The following HMCN1 variants were observed in gnomAD, a reference collection of about 807,000 sequenced individuals.
The protein encoded by HMCN1 is hemicentin 1, also known as hemicentin-1.
In HMCN1, 321 loss-of-function variants were observed where a neutral mutation model predicts 625.9. That is an observed-to-expected ratio of 0.51 (90% CI 0.47 to 0.56). HMCN1 has a LOEUF of 0.56. Ranked by LOEUF, HMCN1 falls within the 20% of genes least tolerant of loss-of-function variation. The pLI, the probability that HMCN1 is intolerant of heterozygous loss-of-function variation, is 0.00. For synonymous variants in HMCN1, 2,425 were observed against 2,417.6 expected (o/e 1.00, Z -0.09); for missense variants, 6,588 against 6,887.3 (o/e 0.96, Z 1.54).
At chr1:186,012,862 A>G (rs955694430) in intron 30 of HMCN1, among the ~76,000 whole-genome samples, 1 of 152,164 alleles carries the variant, frequency 6.6e-6, no homozygotes, top group African/African-American at 2.4e-5. Flanking sequence ...TCTAGTGTTT[A>G]TTAGAACAGG....
chr1:186,057,532 C>G, intron 46 of HMCN1, 131 bp downstream of exon 46: 1 of 664,488 alleles, frequency 1.5e-6, no homozygotes, highest in Non-Finnish European at 2.6e-6. Flanking sequence ...ATTCACTAAT[C>G]ATATTAAGAA....
rs187650115 is a variant in HMCN1 at position 186,120,255 on chromosome 1, C to T, written c.12229+110C>T. 405 of 1,238,742 alleles carry T rather than the reference C, an allele frequency of 3.3e-4. 2 individuals are homozygous for T. In the East Asian group the frequency reaches 9.5e-3, roughly 29 times the overall value. The allele number at this position is 1,238,742 out of a possible 1,614,324, so 76.7% of individuals were successfully genotyped here. On this transcript the variant is annotated intron_variant, in intron 80 of 106. Transcript: ENST00000271588. ...GCTGCTGTTCCCCCATAGTTCTCGA[C>T]ATTCTTAGTTTGCATTATCCTATTG...
At chr1:186,059,989 C>T (rs1657581380) in intron 46 of HMCN1, among the ~76,000 whole-genome samples, 2 of 152,036 alleles carry the variant, frequency 1.3e-5, no homozygotes, top group South Asian at 4.1e-4. Flanking sequence ...TCTCACTAAT[C>T]TGAAGTGGCA....
At chr1:185,796,577 T>C (rs969885233) in intron 1 of HMCN1, among the ~76,000 whole-genome samples, 6 of 152,236 alleles carry the variant, frequency 3.9e-5, no homozygotes, top group Non-Finnish European at 8.8e-5. Context: ...TCCATCTATG[T>C]TGCCACAAAA....
intron 3 of HMCN1, among the ~76,000 whole-genome samples, chr1:185,865,486 C>G (rs1342884332): frequency 1.3e-5 from 2 of 151,822 alleles, no homozygotes; most frequent in Non-Finnish European, 2.9e-5. Flanking sequence ...ACTTCTACTT[C>G]TACAGCTTTT....
intron 105 of HMCN1, among the ~76,000 whole-genome samples, chr1:186,182,803 T>C (rs1011688519): frequency 6.6e-6 from 1 of 152,210 alleles, no homozygotes; most frequent in South Asian, 2.1e-4. Context: ...ATAAATAAGA[T>C]AGAGTCTTCC....
chr1:186,102,242 A>G (rs780633620), intron 68 of HMCN1, among the ~76,000 whole-genome samples: 2 of 152,092 alleles, frequency 1.3e-5, no homozygotes, highest in Non-Finnish European at 2.9e-5. Flanking sequence ...AATATGTAAG[A>G]TAGATAGAAG....
intron 40 of HMCN1, among the ~76,000 whole-genome samples, chr1:186,041,664 C>A (rs544729015): frequency 1.3e-5 from 2 of 152,268 alleles, no homozygotes; most frequent in Non-Finnish European, 2.9e-5. Context: ...AATGCCCGAT[C>A]CCATCACAGA....
In HMCN1 at chr1:186,190,672, A is replaced by G. The variant is rs1402779013; in HGVS notation, c.*794A>G. The G allele has an allele frequency of 5.2e-6, 1 of 192,930 alleles. No homozygotes were observed. The highest frequency in any genetic ancestry group is 6.1e-5 in the Admixed American group (1 of 16,330). 12.0% of individuals were successfully genotyped at this position (192,930 alleles called of 1,614,324 possible). A position where few individuals can be genotyped will look rare whatever the true frequency, so the allele number is the denominator to read the frequency against. On this transcript the variant is annotated 3_prime_UTR_variant, in exon 107 of 107. Coordinates refer to ENST00000271588, the MANE Select transcript of HMCN1 (RefSeq NM_031935.3). ...AATTTTGTTTATTTTCCTGTCAATG[A>G]AAGCAATTTTTAAAGATACCAGTGG...
intron 93 of HMCN1, among the ~76,000 whole-genome samples, chr1:186,150,648 T>C (rs1650607229): frequency 6.6e-6 from 1 of 152,110 alleles, no homozygotes; most frequent in Non-Finnish European, 1.5e-5. Flanking sequence ...AAGTCTCTCC[T>C]TTTCCTGGAT....
At chr1:186,065,188 C>T (rs764189985) in intron 48 of HMCN1, 50 bp from the exon 49 acceptor site, 1 of 1,465,242 alleles carries the variant, frequency 6.8e-7, no homozygotes, top group Non-Finnish European at 9.5e-7. Context: ...AAAGTTTATT[C>T]ATTCTATACA....
chr1:185,925,687 C>G (rs1280115857), intron 9 of HMCN1, among the ~76,000 whole-genome samples: 1 of 152,124 alleles, frequency 6.6e-6, no homozygotes, highest in Non-Finnish European at 1.5e-5. Context: ...GTGGATGTAG[C>G]ATTGGCCAAT....
chr1:186,136,629 C>T, intron 86 of HMCN1, 39 bp from the exon 87 acceptor site: 1 of 1,605,840 alleles, frequency 6.2e-7, no homozygotes, highest in Non-Finnish European at 8.5e-7. Flanking sequence ...AATGCTGTAA[C>T]TCCACAAAAA....
chr1:186,016,908 G>A (rs940077686), intron 32 of HMCN1, 55 bp from the exon 33 acceptor site: 1 of 925,700 alleles, frequency 1.1e-6, no homozygotes, highest in Non-Finnish European at 1.8e-6. Flanking sequence ...TCATATGATG[G>A]TGTGTTTTTT....
Position 185,977,917 on chromosome 1 carries a change from T to C in HMCN1, c.2502T>C (p.Ile834=). The part of the protein sequence containing the change: ...IKWRRLDNMP[I]FSRPFSVSSI... ...GGCGAAGATTAGACAACATGCCAAT[T>C]TTCTCAAGACCTTTTTCAGTTAGTT... The change falls in exon 16 of 107, where the codon ATT becomes ATC. Residue 834 remains isoleucine, a synonymous_variant. Transcript: ENST00000271588. The C allele has an allele frequency of 6.2e-7, 1 of 1,613,424 alleles. No individual in the cohort carries two copies. Among genetic ancestry groups the C allele is most frequent in the South Asian group, 1.1e-5 (1 of 91,064 alleles).
intron 1 of HMCN1, among the ~76,000 whole-genome samples, chr1:185,830,389 A>G (rs1034558245): frequency 6.6e-6 from 1 of 152,152 alleles, no homozygotes; most frequent in Non-Finnish European, 1.5e-5. Context: ...TGGGTTTTAC[A>G]TCGAAGTTTT....
Position 186,151,347 on chromosome 1 carries a change from T to G in HMCN1, c.14756T>G (p.Leu4919Arg), listed in dbSNP as rs781518409. The G allele has an allele frequency of 1.2e-6, 2 of 1,613,164 alleles. No individual in the cohort carries two copies. Among genetic ancestry groups the G allele is most frequent in the Admixed American group, 3.3e-5 (2 of 60,012 alleles). Residue 4919 changes from leucine to arginine, a missense_variant and splice_region_variant, in exon 94 of 107, where the codon CTT becomes CGT. Physicochemically the swap from Leu to Arg is moderately radical, Grantham distance 102. This residue lies in a region of HMCN1 where 1,954 missense variants were observed against 2,013.1 expected (regional missense o/e 0.97). Coordinates refer to ENST00000271588, the MANE Select transcript of HMCN1 (RefSeq NM_031935.3). ...AAAATTACCAATGTACCTCGTAGTC[T>G]TGGTAAGTCTTTGCCTCAAGCCTCT... ...RAKITNVPRS[L>R]GSAMRKIVSI...
intron 1 of HMCN1, among the ~76,000 whole-genome samples, chr1:185,766,546 A>G (rs1291178792): frequency 2.0e-5 from 3 of 152,126 alleles, no homozygotes; most frequent in Non-Finnish European, 2.9e-5. Context: ...TGGCCCCAAA[A>G]TCAAACCAAA....
At chr1:185,972,197 C>G (rs1314790952) in intron 15 of HMCN1, among the ~76,000 whole-genome samples, 1 of 152,150 alleles carries the variant, frequency 6.6e-6, no homozygotes, top group East Asian at 1.9e-4. Context: ...AAGAGAGAAA[C>G]AGTCTCAGTA....
Sources: gnomAD v4.1 joint callset for allele counts (sites outside exome capture counted in the v4.1 genomes callset) on GRCh38, gnomAD v4.1.1 for gene constraint, gnomAD v4.1.1 regional missense constraint, MANE v1.5 for transcripts, NCBI Gene and HGNC (gene_info 2026-07-23, HGNC 2026-07-21) for gene names.